OR2L13: variants seen among roughly 807,000 people sequenced by gnomAD.
The protein encoded by OR2L13 is olfactory receptor family 2 subfamily L member 13.
OR2L13 carries 14 observed loss-of-function variants against 15.3 expected under a neutral mutation model. The observed-to-expected ratio is 0.91, with a 90% CI of 0.60 to 1.43. The LOEUF (loss-of-function observed/expected upper bound fraction) is 1.43. Among genes scored for constraint, OR2L13 ranks in the 40% most tolerant of loss-of-function variants. The pLI is 0.00. For synonymous variants in OR2L13, 152 were observed against 142.9 expected, an observed-to-expected ratio of 1.06 and a Z score of -0.45; for missense variants, 367 against 387.9, an observed-to-expected ratio of 0.95 and a Z score of 0.45.
the OR2L13 span, among the ~76,000 whole-genome samples, chr1:248,017,837 A>G: frequency 6.6e-6 from 1 of 152,278 alleles, no homozygotes; most frequent in South Asian, 2.1e-4. Flanking sequence ...TGTCATACAA[A>G]CTTGCCTTGT....
chr1:248,076,489 T>A, the OR2L13 span, among the ~76,000 whole-genome samples: 1 of 152,202 alleles, frequency 6.6e-6, no homozygotes, highest in Non-Finnish European at 1.5e-5. Flanking sequence ...CATGGAATAT[T>A]CTTCCACTCG....
the OR2L13 span, among the ~76,000 whole-genome samples, chr1:247,995,903 T>C: frequency 1.4e-4 from 21 of 152,334 alleles, no homozygotes; most frequent in Admixed American, 6.5e-5. Flanking sequence ...ACTGACGCAG[T>C]GGGTCTGCAG....
the OR2L13 span, chr1:248,083,785 C>G: frequency 2.5e-6 from 4 of 1,613,720 alleles, no homozygotes; most frequent in Non-Finnish European, 3.4e-6. Flanking sequence ...GCTGACACAA[C>G]CTTGTCGTGG....
the OR2L13 span, among the ~76,000 whole-genome samples, chr1:247,943,311 T>C: frequency 2.6e-5 from 4 of 152,104 alleles, no homozygotes; most frequent in African/African-American, 9.7e-5. Flanking sequence ...GTTGGAAAGC[T>C]ACCTATTTGT....
chr1:248,033,609 GTTT>G, the OR2L13 span, among the ~76,000 whole-genome samples: 9 of 136,200 alleles, frequency 6.6e-5, no homozygotes, highest in South Asian at 1.4e-3. Context: ...GCTAATTTTT[GTTT>G]TTTTTTTTTT....
At chr1:248,088,171 A>G in the OR2L13 span, among the ~76,000 whole-genome samples, 2 of 152,132 alleles carry the variant, frequency 1.3e-5, no homozygotes, top group Non-Finnish European at 2.9e-5. Context: ...TTTAATGTTC[A>G]AATCATAGAC....
exon 3 of OR2L13, chr1:248,100,920 G>T (rs1664846372): frequency 6.2e-6 from 1 of 162,488 alleles, no homozygotes; most frequent in Non-Finnish European, 1.5e-5. Flanking sequence ...ACATGCTAAG[G>T]TAGTGTTTAT....
intron 1 of OR2L13, among the ~76,000 whole-genome samples, chr1:248,098,277 A>G (rs1664777488): frequency 6.6e-6 from 1 of 152,244 alleles, no homozygotes; most frequent in Non-Finnish European, 1.5e-5. Context: ...ACCAAAGCAC[A>G]TCAGTAGCTA....
the OR2L13 span, among the ~76,000 whole-genome samples, chr1:248,006,948 C>T: frequency 2.6e-5 from 4 of 152,180 alleles, no homozygotes. Context: ...ATTTAAGATA[C>T]ATTTGTCATA....
At chr1:247,972,159 A>G in the OR2L13 span, among the ~76,000 whole-genome samples, 1 of 152,340 alleles carries the variant, frequency 6.6e-6, no homozygotes, top group African/African-American at 2.4e-5. Flanking sequence ...TGCCCACATT[A>G]GAAAAGGGGA....
At chr1:248,045,825 T>A in the OR2L13 span, 2 of 152,318 alleles carry the variant, frequency 1.3e-5, no homozygotes, top group South Asian at 4.1e-4. Flanking sequence ...AACTAATTGA[T>A]CACAACTAGT....
chr1:247,983,394 G>C, the OR2L13 span, among the ~76,000 whole-genome samples: 4 of 151,890 alleles, frequency 2.6e-5, no homozygotes, highest in Admixed American at 6.6e-5. Context: ...TTTTCTGCTT[G>C]CTTTTTCTCC....
At chr1:248,065,544 A>G in the OR2L13 span, among the ~76,000 whole-genome samples, 1 of 149,636 alleles carries the variant, frequency 6.7e-6, no homozygotes, top group Non-Finnish European at 1.5e-5. Context: ...CTAACTCGTC[A>G]TCTAGCATTA....
At chr1:247,950,680 A>G in the OR2L13 span, among the ~76,000 whole-genome samples, 1 of 152,038 alleles carries the variant, frequency 6.6e-6, no homozygotes, top group Non-Finnish European at 1.5e-5. Context: ...TCTCACTCCT[A>G]CCTAGGACCT....
the OR2L13 span, among the ~76,000 whole-genome samples, chr1:247,989,200 A>G: frequency 6.6e-6 from 1 of 152,202 alleles, no homozygotes; most frequent in Non-Finnish European, 1.5e-5. Context: ...ATAAGGATGT[A>G]TTCTACATTT....
the OR2L13 span, among the ~76,000 whole-genome samples, chr1:247,943,802 C>T: frequency 1.3e-5 from 2 of 152,044 alleles, no homozygotes. Context: ...CCCAACTATT[C>T]TTTTATAATT....
the OR2L13 span, chr1:247,949,691 C>A: frequency 6.2e-7 from 1 of 1,613,774 alleles, no homozygotes; most frequent in Non-Finnish European, 8.5e-7. Flanking sequence ...TCTTCTACAC[C>A]ATCCTCACCC....
At chr1:247,987,592 C>T in the OR2L13 span, among the ~76,000 whole-genome samples, 5,906 of 152,198 alleles carry the variant, frequency 0.039, 356 homozygotes, top group African/African-American at 0.13. Flanking sequence ...CTAAAATATT[C>T]GACCCATAAC....
the OR2L13 span, among the ~76,000 whole-genome samples, chr1:247,941,132 A>G: frequency 3.3e-5 from 5 of 152,024 alleles, no homozygotes; most frequent in East Asian, 5.8e-4. Context: ...ACTTCCCTAT[A>G]TATTCTGGGC....
Sources: gnomAD v4.1 joint callset for allele counts (sites outside exome capture counted in the v4.1 genomes callset) on GRCh38, gnomAD v4.1.1 for gene constraint, MANE v1.5 for transcripts, NCBI Gene and HGNC (gene_info 2026-07-23, HGNC 2026-07-21) for gene names.